The following CTTN variants were observed in gnomAD, a reference collection of about 807,000 sequenced individuals.
CTTN encodes src substrate cortactin.
A neutral mutation model predicts 84.0 loss-of-function variants in CTTN; 28 were observed. The observed-to-expected ratio is 0.33, with a 90% CI of 0.25 to 0.46. The LOEUF (loss-of-function observed/expected upper bound fraction) is 0.46, where lower values mean the gene tolerates loss of function less well. Ranked by LOEUF, CTTN falls within the 20% of genes least tolerant of loss-of-function variation. The pLI is 1.00. For synonymous variants in CTTN, 301 were observed against 288.8 expected (o/e 1.04, Z -0.43); for missense variants, 641 against 723.8 (o/e 0.89, Z 1.31).
rs1444460121 is a variant in CTTN, at chr11:70,435,829, A to C, written c.*667A>C. The stretch of plus-strand genomic sequence containing the variant: ...CTACCCATCCCCTGATGCCCAGGTC[A>C]CCGGGAGGGCTGCTGGGAGCCTCTC... On this transcript the variant is annotated 3_prime_UTR_variant, in exon 18 of 18. Transcript: ENST00000301843. 2 of 1,540,238 alleles carry C rather than the reference A, an allele frequency of 1.3e-6. No homozygotes were observed.
At chr11:70,399,058 G>C in intron 1 of CTTN, among the ~76,000 whole-genome samples, 1 of 146,470 alleles carries the variant, frequency 6.8e-6, no homozygotes, top group African/African-American at 2.5e-5. Context: ...ATTAGGGCCC[G>C]AGGGAGAGGG....
At position 70,432,461 on chromosome 11, in the gene CTTN, G is replaced by A. The variant is rs139198480; in HGVS notation, c.1267-640G>A. 6.7e-3 allele frequency among the ~76,000 whole-genome samples: 1,021 copies of A among 152,350 alleles called. 3 individuals carry two copies. Among genetic ancestry groups the A allele is most frequent in the Admixed American group, 0.013 (195 of 15,304 alleles). ...GCATTGCTTTCTTTCAGTCACTGCC[G>A]GTGACATCAGGTGGACCCTGGTCAG... On this transcript the variant is annotated intron_variant, in intron 15 of 17. Coordinates refer to ENST00000301843, the MANE Select transcript of CTTN (RefSeq NM_005231.4).
In CTTN at chr11:70,420,412, G is replaced by T; in HGVS notation, c.692G>T (p.Gly231Val). The T allele has an allele frequency of 6.2e-7, 1 of 1,613,864 alleles. No individual in the cohort carries two copies. Residue 231 changes from glycine to valine, a missense_variant, in exon 10 of 18, where the codon GGG becomes GTG. Coordinates refer to ENST00000301843, the MANE Select transcript of CTTN (RefSeq NM_005231.4). ...ATTGTGCATGTAGACTATGTGAAAGGGTTTGGAGGAAAATTTGGTGTGCAG... is the reference window on the plus strand; with the variant it reads ...ATTGTGCATGTAGACTATGTGAAAGTGTTTGGAGGAAAATTTGGTGTGCAG... Reference protein sequence around the residue: ...KHESQKDYVKGFGGKFGVQTD... With the variant: ...KHESQKDYVKVFGGKFGVQTD...
chr11:70,418,816 C>T (rs769134798), intron 8 of CTTN, among the ~76,000 whole-genome samples: 1 of 147,396 alleles, frequency 6.8e-6, no homozygotes, highest in East Asian at 2.0e-4. Flanking sequence ...CTCTCTCTCT[C>T]GCCAGGCTGG....
At chr11:70,408,456 G>C (rs2058066956) in intron 4 of CTTN, 1 of 152,382 alleles carries the variant, frequency 6.6e-6, no homozygotes, top group East Asian at 1.9e-4. Flanking sequence ...GGAGTGCAGT[G>C]GTGCAATCAT....
At chr11:70,422,861 G>A in intron 11 of CTTN, 79 bp from the exon 12 acceptor site, 1 of 1,604,976 alleles carries the variant, frequency 6.2e-7, no homozygotes, top group Admixed American at 1.7e-5. Context: ...GCTGTTTCTG[G>A]ATCTGTCTGC....
chr11:70,411,394 G>A (rs1256256970), intron 5 of CTTN, among the ~76,000 whole-genome samples: 2 of 136,826 alleles, frequency 1.5e-5, no homozygotes, highest in Admixed American at 6.9e-5. Context: ...GTGTGCACAC[G>A]GACAGACGGA....
chr11:70,404,685 A>G (rs2058023058), intron 1 of CTTN, among the ~76,000 whole-genome samples: 1 of 152,248 alleles, frequency 6.6e-6, no homozygotes, highest in African/African-American at 2.4e-5. Flanking sequence ...AATTAAGGCA[A>G]TAATTTCTGT....
intron 16 of CTTN, 148 bp from the exon 17 acceptor site, chr11:70,433,499 G>A (rs2058378852): frequency 6.3e-6 from 5 of 789,330 alleles, no homozygotes; most frequent in Admixed American, 4.1e-5. Context: ...TGCTGGGGAC[G>A]GGTGGGCAGG....
chr11:70,410,252 A>T (rs564714740), intron 5 of CTTN: 1 of 320,776 alleles, frequency 3.1e-6, no homozygotes, highest in Non-Finnish European at 5.9e-6. Flanking sequence ...AGAAGTCCAG[A>T]AGCATCCTGG....
At position 70,435,554 on chromosome 11, in the gene CTTN, A is replaced by G; in HGVS notation, c.*392A>G. ...CCTCCCAGGACAAGCACGAGGCCTC[A>G]GGTCGGCCCTGTGGCGGGTAGGCAG... On this transcript the variant is annotated 3_prime_UTR_variant, in exon 18 of 18. Coordinates refer to ENST00000301843, the MANE Select transcript of CTTN (RefSeq NM_005231.4). 6.3e-7 allele frequency: 1 copy of G among 1,575,896 alleles called. No homozygotes were observed. The highest frequency in any genetic ancestry group is 2.3e-5 in the East Asian group (1 of 43,800).
At chr11:70,431,414 C>G (rs1021627562) in intron 15 of CTTN, 134 bp downstream of exon 15, 10 of 903,636 alleles carry the variant, frequency 1.1e-5, no homozygotes, top group Non-Finnish European at 1.8e-5. Context: ...ATTCCACGCC[C>G]GGAGAGGGGT....
chr11:70,413,668 G>A (rs185539049), intron 5 of CTTN, among the ~76,000 whole-genome samples: 8 of 152,286 alleles, frequency 5.3e-5, no homozygotes, highest in Admixed American at 2.0e-4. Flanking sequence ...CGCTGATGGG[G>A]GCTGACGACA....
intron 6 of CTTN, among the ~76,000 whole-genome samples, chr11:70,415,057 T>C (rs1591438197): frequency 6.6e-6 from 1 of 152,162 alleles, no homozygotes; most frequent in South Asian, 2.1e-4. Flanking sequence ...GTTGCAGTCA[T>C]CCTAGGCCCG....
At chr11:70,422,298 T>C in intron 11 of CTTN, 1 of 358,250 alleles carries the variant, frequency 2.8e-6, no homozygotes, top group Non-Finnish European at 5.5e-6. Context: ...CTCTAGGCTT[T>C]CCACCTGCAG....
At chr11:70,414,753 C>T (rs1385862010) in intron 6 of CTTN, 101 bp downstream of exon 6, 3 of 815,532 alleles carry the variant, frequency 3.7e-6, no homozygotes, top group African/African-American at 1.7e-5. Flanking sequence ...GGCAGGTGCC[C>T]TCCAGCTCTG....
At position 70,407,780 on chromosome 11, in the gene CTTN, T is replaced by A. The variant is rs2058059827; in HGVS notation, c.161+189T>A. On this transcript the variant is annotated intron_variant, in intron 4 of 17. Transcript: ENST00000301843. ...TGTGTATTTGTGTAATGTGTGTGTT[T>A]ATATGTGTATATTTAGATACTTCTG... 1.0e-5 allele frequency: 6 copies of A among 575,434 alleles called. 1 individual carries two copies. The South Asian group carries it at 1.4e-4, about 13-fold the overall frequency. 35.6% of individuals were successfully genotyped at this position (575,434 alleles called of 1,614,324 possible).
intron 17 of CTTN, among the ~76,000 whole-genome samples, chr11:70,434,528 T>C (rs2058393168): frequency 6.6e-6 from 1 of 152,294 alleles, no homozygotes; most frequent in South Asian, 2.1e-4. Flanking sequence ...ACACGTGCAT[T>C]TGCGTACACG....
At position 70,424,477 on chromosome 11, in the gene CTTN, C is replaced by T. The variant is rs189815918; in HGVS notation, c.958-855C>T. Reference sequence around the variant, plus strand: ...GGAGTCCAAGGCTTAGAGAGGGTGACGTAACTGCCCGGGTCCCCATACATT... The same window carrying T: ...GGAGTCCAAGGCTTAGAGAGGGTGATGTAACTGCCCGGGTCCCCATACATT... On this transcript the variant is annotated intron_variant, in intron 12 of 17. Transcript: ENST00000301843. 7.5e-4 allele frequency among the ~76,000 whole-genome samples: 114 copies of T among 152,092 alleles called. 2 individuals carry two copies. Among genetic ancestry groups the T allele is most frequent in the Middle Eastern group, 6.8e-3 (2 of 294 alleles).
Sources: gnomAD v4.1 joint callset for allele counts (sites outside exome capture counted in the v4.1 genomes callset) on GRCh38, gnomAD v4.1.1 for gene constraint, MANE v1.5 for transcripts, NCBI Gene and HGNC (gene_info 2026-07-23, HGNC 2026-07-21) for gene names.